The following PTPRD variants were observed in gnomAD, a reference collection of about 807,000 sequenced individuals.
PTPRD encodes receptor-type tyrosine-protein phosphatase delta.
In PTPRD, 34 loss-of-function variants were observed where a neutral mutation model predicts 214.5. The ratio of observed to expected loss-of-function variants is 0.16; its 90% confidence interval spans 0.12 to 0.21. The LOEUF (loss-of-function observed/expected upper bound fraction) is 0.21. Among genes scored for constraint, PTPRD ranks in the 10% least tolerant of loss-of-function variants. The probability of loss-of-function intolerance (pLI) is 1.00; values close to 1 mark genes in which losing one functional copy is unlikely to be tolerated. For missense variants in PTPRD, 2,545 were observed against 2,398.7 expected, an observed-to-expected ratio of 1.06 and a Z score of -1.27; for synonymous variants, 1,128 against 845.7, an observed-to-expected ratio of 1.33 and a Z score of -5.79.
At chr9:8,646,384 C>G (rs183626639) in intron 12 of PTPRD, among the ~76,000 whole-genome samples, 123 of 152,308 alleles carry the variant, frequency 8.1e-4, no homozygotes, top group African/African-American at 2.7e-3. Context: ...ACTTTAATAG[C>G]TTACTCCTGC....
intron 3 of PTPRD, among the ~76,000 whole-genome samples, chr9:10,314,437 T>C (rs1223948792): frequency 6.6e-6 from 1 of 151,902 alleles, no homozygotes; most frequent in Non-Finnish European, 1.5e-5. Flanking sequence ...CAGGAACAAG[T>C]AAACAAATAA....
chr9:9,411,260 G>GTATTTT, intron 8 of PTPRD, among the ~76,000 whole-genome samples: 1 of 25,038 alleles, frequency 4.0e-5, no homozygotes, highest in East Asian at 7.4e-4. Context: ...ATAGCATTGT[G>GTATTTT]TCTTTTTTTT....
intron 5 of PTPRD, among the ~76,000 whole-genome samples, chr9:9,823,884 C>A (rs955881604): frequency 6.6e-6 from 1 of 151,748 alleles, no homozygotes; most frequent in African/African-American, 2.4e-5. Context: ...GTTCCCAACA[C>A]AAAGAAACAA....
chr9:10,278,966 G>A (rs1045140417), intron 3 of PTPRD, among the ~76,000 whole-genome samples: 2 of 151,980 alleles, frequency 1.3e-5, no homozygotes, highest in Non-Finnish European at 1.5e-5. Context: ...AGTAGAGACG[G>A]GGCTTCACCG....
chr9:10,454,737 C>T (rs77390449), intron 2 of PTPRD, among the ~76,000 whole-genome samples: 1,827 of 151,642 alleles, frequency 0.012, 35 homozygotes, highest in African/African-American at 0.04. Flanking sequence ...TGCCTTTGGA[C>T]CCTTCATCCA....
Position 9,376,716 on chromosome 9 carries a change from T to C in PTPRD, c.-203+20733A>G, listed in dbSNP as rs200533360. Among the ~76,000 whole-genome samples, 8 of 152,232 alleles carry C rather than the reference T, an allele frequency of 5.3e-5. No homozygotes were observed. In the East Asian group the frequency reaches 1.2e-3, roughly 22 times the overall value. The stretch of plus-strand genomic sequence containing the variant: ...TGTTCAAAAGCTTTTAATAGGACTG[T>C]AAGACTGAAATAGAACCCCTCGGGT... On this transcript the variant is annotated intron_variant, in intron 9 of 45. Transcript: ENST00000381196.
intron 4 of PTPRD, among the ~76,000 whole-genome samples, chr9:9,963,389 A>G (rs535460770): frequency 6.6e-6 from 1 of 151,964 alleles, no homozygotes; most frequent in East Asian, 1.9e-4. Flanking sequence ...GAAAAGAGAA[A>G]TGCCTCTAAG....
intron 8 of PTPRD, among the ~76,000 whole-genome samples, chr9:9,400,092 G>GTT (rs3048790): frequency 9.9e-5 from 10 of 101,082 alleles, no homozygotes; most frequent in African/African-American, 1.3e-4. Context: ...TTACCTACTA[G>GTT]TTTTTTTTTT....
chr9:10,097,876 C>G (rs1346850676), intron 3 of PTPRD, among the ~76,000 whole-genome samples: 2 of 151,560 alleles, frequency 1.3e-5, no homozygotes, highest in Non-Finnish European at 3.0e-5. Context: ...GCTGTAGGAA[C>G]ACTTTCACAC....
chr9:10,488,092 G>GCA lies in PTPRD; in HGVS notation c.-600+124304_-600+124305dup, dbSNP rs1344965670. ...ACTAAGACTGTGCCAGGTCGGCTGG[G>GCA]CATGGTGGCTCGCGCCTGTAATCCT... On this transcript the variant is annotated intron_variant, in intron 2 of 45. Coordinates refer to ENST00000381196, the MANE Select transcript of PTPRD (RefSeq NM_002839.4). Among the ~76,000 whole-genome samples, 4 of 151,764 alleles carry GCA rather than the reference G, an allele frequency of 2.6e-5. No homozygotes were observed. In the East Asian group the frequency reaches 7.8e-4, roughly 30 times the overall value.
intron 2 of PTPRD, among the ~76,000 whole-genome samples, chr9:10,397,384 A>T (rs1343006427): frequency 6.6e-6 from 1 of 152,034 alleles, no homozygotes; most frequent in African/African-American, 2.4e-5. Flanking sequence ...TGTACTTGTT[A>T]CCTAGCAATG....
chr9:9,334,518 T>G (rs2043648004), intron 9 of PTPRD, among the ~76,000 whole-genome samples: 1 of 151,990 alleles, frequency 6.6e-6, no homozygotes. Flanking sequence ...TATTTGATGG[T>G]CTGGTGGGAA....
At chr9:10,106,872 G>A (rs957425892) in intron 3 of PTPRD, among the ~76,000 whole-genome samples, 1 of 151,902 alleles carries the variant, frequency 6.6e-6, no homozygotes, top group African/African-American at 2.4e-5. Context: ...AGAAAGGAAA[G>A]GGAGAGTGAA....
At chr9:9,248,822 T>C (rs1055472022) in intron 9 of PTPRD, among the ~76,000 whole-genome samples, 1 of 151,994 alleles carries the variant, frequency 6.6e-6, no homozygotes, top group Non-Finnish European at 1.5e-5. Context: ...GCAGGGACCA[T>C]GGAGACAAAC....
intron 12 of PTPRD, among the ~76,000 whole-genome samples, chr9:8,679,141 C>T (rs1189061598): frequency 1.3e-5 from 2 of 152,130 alleles, no homozygotes; most frequent in Non-Finnish European, 2.9e-5. Flanking sequence ...AAAAGGATTC[C>T]ATCTTTAGAG....
intron 3 of PTPRD, among the ~76,000 whole-genome samples, chr9:10,339,800 G>A (rs1450413436): frequency 6.6e-6 from 1 of 151,540 alleles, no homozygotes; most frequent in Non-Finnish European, 1.5e-5. Context: ...GTACAGATTA[G>A]AACCAACAAA....
chr9:10,426,989 A>G (rs898533355), intron 2 of PTPRD, among the ~76,000 whole-genome samples: 4 of 152,100 alleles, frequency 2.6e-5, no homozygotes, highest in East Asian at 1.9e-4. Context: ...AGAAAATTAA[A>G]GAGTCTTACA....
intron 9 of PTPRD, among the ~76,000 whole-genome samples, chr9:9,261,705 C>T (rs1161375860): frequency 6.6e-6 from 1 of 150,850 alleles, no homozygotes; most frequent in Non-Finnish European, 1.5e-5. Flanking sequence ...TGAATCAAGG[C>T]ACTGTAATGG....
chr9:10,208,494 A>C (rs2099497471), intron 3 of PTPRD, among the ~76,000 whole-genome samples: 1 of 152,242 alleles, frequency 6.6e-6, no homozygotes, highest in African/African-American at 2.4e-5. Context: ...AGCCTGGGCG[A>C]CAGAGCGAGA....
Sources: allele counts gnomAD v4.1 joint callset (sites outside exome capture counted in the v4.1 genomes callset), GRCh38; gene constraint gnomAD v4.1.1; transcripts MANE v1.5; gene names NCBI Gene and HGNC (gene_info 2026-07-23, HGNC 2026-07-21).